The following EP300 variants were observed in gnomAD, a reference collection of about 807,000 sequenced individuals.
EP300 encodes the protein histone acetyltransferase p300.
EP300 carries 31 observed loss-of-function variants against 264.0 expected under a neutral mutation model. The observed-to-expected ratio is 0.12, with a 90% CI of 0.09 to 0.16. The LOEUF (loss-of-function observed/expected upper bound fraction) is 0.16, where lower values mean the gene tolerates loss of function less well. Among genes scored for constraint, EP300 ranks in the 10% least tolerant of loss-of-function variants. EP300 has a pLI of 1.00. For missense variants in EP300, 2,766 were observed against 3,052.9 expected (o/e 0.91, Z 2.21); for synonymous variants, 1,340 against 1,045.4 (o/e 1.28, Z -5.44).
At chr22:41,126,186 A>C (rs1169716472) in intron 3 of EP300, 146 bp downstream of exon 3, 3 of 772,228 alleles carry the variant, frequency 3.9e-6, no homozygotes, top group Admixed American at 2.5e-5. Flanking sequence ...CCCTGTGAGG[A>C]GGCTTGTGCT....
rs752994994 is a variant in EP300, at chr22:41,092,616, G to A, written c.-389G>A. On this transcript the variant is annotated 5_prime_UTR_variant, in exon 1 of 31. Coordinates refer to ENST00000263253, the MANE Select transcript of EP300 (RefSeq NM_001429.4). ...TGAGAAGGAGGAGGACAGCGCCGAG[G>A]AGGAAGAGGTTGATGGCGGCGGCGG... is the stretch of plus-strand genomic sequence containing the variant. 2 of 629,448 alleles carry A rather than the reference G, an allele frequency of 3.2e-6. No homozygotes were observed. Among genetic ancestry groups the A allele is most frequent in the Non-Finnish European group, 5.8e-6 (2 of 347,220 alleles). 39.0% of individuals were successfully genotyped at this position (629,448 alleles called of 1,614,324 possible).
chr22:41,106,735 C>CTGTA (rs1414080032), intron 1 of EP300, among the ~76,000 whole-genome samples: 1 of 150,788 alleles, frequency 6.6e-6, no homozygotes, highest in Non-Finnish European at 1.5e-5. Flanking sequence ...CCACCTCAGC[C>CTGTA]TGTAGCTGCA....
At chr22:41,096,673 C>T (rs568347537) in intron 1 of EP300, among the ~76,000 whole-genome samples, 1 of 140,588 alleles carries the variant, frequency 7.1e-6, no homozygotes, top group South Asian at 2.2e-4. Flanking sequence ...GGCTGGAGTG[C>T]AGTAGCTCGA....
At chr22:41,155,252 G>T in intron 17 of EP300, 139 bp downstream of exon 17, 1 of 789,178 alleles carries the variant, frequency 1.3e-6, no homozygotes, top group Non-Finnish European at 2.2e-6. Flanking sequence ...CCCTGAGACA[G>T]GGTCTTATTC....
chr22:41,150,336 G>C (rs1242648816), intron 14 of EP300, 138 bp downstream of exon 14: 2 of 1,115,160 alleles, frequency 1.8e-6, no homozygotes, highest in African/African-American at 3.1e-5. Flanking sequence ...TTTTTCATTA[G>C]GGACTTTTGT....
At chr22:41,142,545 G>A (rs1812724890) in intron 10 of EP300, among the ~76,000 whole-genome samples, 3 of 152,098 alleles carry the variant, frequency 2.0e-5, no homozygotes, top group Non-Finnish European at 2.9e-5. Flanking sequence ...TTAGAGTTGA[G>A]ACTGCTTCAG....
Position 41,113,337 on chromosome 22 carries a change from C to T in EP300, c.95-3850C>T, listed in dbSNP as rs553394518. ...TCTTTTAATTTTCTTTTTTTCTTAACCTTCTTGAAGTTCGTCTTTTGTTAC... is the reference window on the plus strand; with the variant it reads ...TCTTTTAATTTTCTTTTTTTCTTAATCTTCTTGAAGTTCGTCTTTTGTTAC... On this transcript the variant is annotated intron_variant, in intron 1 of 30. Transcript: ENST00000263253. Among the ~76,000 whole-genome samples, 4 of 151,840 alleles carry T rather than the reference C, an allele frequency of 2.6e-5. No homozygotes were observed. The East Asian group carries it at 5.8e-4, about 22-fold the overall frequency.
intron 19 of EP300, chr22:41,159,325 C>G (rs1465523967): frequency 6.6e-6 from 1 of 152,152 alleles, no homozygotes; most frequent in Non-Finnish European, 1.5e-5. Context: ...GCATTTCTAG[C>G]TTTGAAAAGT....
chr22:41,174,247 A>G (rs1229323143), intron 29 of EP300, among the ~76,000 whole-genome samples: 1 of 152,138 alleles, frequency 6.6e-6, no homozygotes, highest in Non-Finnish European at 1.5e-5. Context: ...CCTGGCCAAC[A>G]TGGCGAACCG....
At position 41,151,876 on chromosome 22, in the gene EP300, C is replaced by G. The variant is rs1304109853; in HGVS notation, c.2861C>G (p.Pro954Arg). ...AVSIEGQVSN[P>R]PSTSSTEVNS... ...AGCATTGAAGGACAGGTATCAAATCCTCCATCTACTAGTAGCACAGAAGTG... is the reference window on the plus strand; with the variant it reads ...AGCATTGAAGGACAGGTATCAAATCGTCCATCTACTAGTAGCACAGAAGTG... The change falls in exon 15 of 31, where the codon CCT becomes CGT. Residue 954 changes from proline to arginine, a missense_variant. Pro to Arg is a moderately radical substitution (Grantham distance 103). Transcript: ENST00000263253. The G allele has an allele frequency of 6.2e-7, 1 of 1,614,126 alleles. No homozygotes were observed. Among genetic ancestry groups the G allele is most frequent in the South Asian group, 1.1e-5 (1 of 91,092 alleles).
intron 1 of EP300, among the ~76,000 whole-genome samples, chr22:41,108,329 A>C (rs981540514): frequency 1.4e-5 from 2 of 147,254 alleles, no homozygotes; most frequent in African/African-American, 5.1e-5. Context: ...GCTCGCTGCA[A>C]CCTCAACCTC....
intron 22 of EP300, among the ~76,000 whole-genome samples, chr22:41,164,470 G>A (rs1002764818): frequency 1.6e-4 from 24 of 152,206 alleles, no homozygotes; most frequent in Non-Finnish European, 2.6e-4. Context: ...CCAGCACTTT[G>A]GGAGGCCGAG....
chr22:41,146,883 A>G (rs973754621), intron 11 of EP300, 67 bp downstream of exon 11: 2 of 1,329,974 alleles, frequency 1.5e-6, no homozygotes, highest in African/African-American at 1.5e-5. Flanking sequence ...AATACTTGCT[A>G]CCTGAACACC....
chr22:41,172,698 A>T (rs1395423794), intron 28 of EP300, 35 bp downstream of exon 28: 1 of 1,596,274 alleles, frequency 6.3e-7, no homozygotes, highest in South Asian at 1.1e-5. Flanking sequence ...AACTTCTATC[A>T]TGATTCTAAT....
At chr22:41,108,078 C>T (rs1268029562) in intron 1 of EP300, 1 of 151,262 alleles carries the variant, frequency 6.6e-6, no homozygotes, top group Non-Finnish European at 1.5e-5. Flanking sequence ...TAGAAGACAA[C>T]AAGGGTGATC....
At chr22:41,107,312 G>A (rs1177640675) in intron 1 of EP300, among the ~76,000 whole-genome samples, 1 of 151,796 alleles carries the variant, frequency 6.6e-6, no homozygotes, top group East Asian at 1.9e-4. Context: ...AATTAATAAA[G>A]GTGTTTTACT....
chr22:41,146,975 A>G (rs1215166193), intron 11 of EP300, among the ~76,000 whole-genome samples, 159 bp downstream of exon 11: 1 of 152,180 alleles, frequency 6.6e-6, no homozygotes, highest in African/African-American at 2.4e-5. Flanking sequence ...GGCAGATCAC[A>G]GGGCAGGTGA....
rs1257662278 is a variant in EP300, at chr22:41,149,966, C to G, written c.2585C>G (p.Pro862Arg). The change falls in exon 14 of 31, where the codon CCT (proline) becomes CGT (arginine). Residue 862 changes from proline to arginine, a missense_variant. Physicochemically the swap from Pro to Arg is moderately radical, Grantham distance 103 (BLOSUM62 -2). Coordinates refer to ENST00000263253, the MANE Select transcript of EP300 (RefSeq NM_001429.4). Reference sequence around the variant, plus strand: ...CCACCAGCAACAACAATTCCAGCCCCTGTTCCTACACCTCCTGCCATGCCA... The same window carrying G: ...CCACCAGCAACAACAATTCCAGCCCGTGTTCCTACACCTCCTGCCATGCCA... ...QQPPATTIPA[P>R]VPTPPAMPPG... 3 of 1,614,084 alleles carry G rather than the reference C, an allele frequency of 1.9e-6. No individual in the cohort carries two copies. The highest frequency in any genetic ancestry group is 2.7e-5 in the African/African-American group (2 of 75,016).
chr22:41,094,324 T>C lies in EP300; in HGVS notation c.94+1226T>C, dbSNP rs539884451. Among the ~76,000 whole-genome samples, 476 of 152,320 alleles carry C rather than the reference T, an allele frequency of 3.1e-3. 1 individual carries two copies. Among genetic ancestry groups the C allele is most frequent in the Middle Eastern group, 0.024 (7 of 294 alleles). ...TGGAGTTAAATGTACCCTTTGAGTTTGTAGAGAACTTCGAGAGCATGTTTC... is the reference window on the plus strand; with the variant it reads ...TGGAGTTAAATGTACCCTTTGAGTTCGTAGAGAACTTCGAGAGCATGTTTC... On this transcript the variant is annotated intron_variant, in intron 1 of 30. Transcript: ENST00000263253.
Sources: allele counts gnomAD v4.1 joint callset (sites outside exome capture counted in the v4.1 genomes callset), GRCh38; gene constraint gnomAD v4.1.1; transcripts MANE v1.5; gene names NCBI Gene and HGNC (gene_info 2026-07-23, HGNC 2026-07-21).